Variants in ROBO2 observed in about 807,000 individuals in gnomAD.
ROBO2 encodes roundabout homolog 2.
Under a neutral mutation model 160.8 loss-of-function variants are expected in ROBO2, and 53 were observed. That is an observed-to-expected ratio of 0.33 (90% confidence interval 0.26 to 0.41). The LOEUF (loss-of-function observed/expected upper bound fraction) is 0.41. Among genes scored for constraint, ROBO2 ranks in the 10% least tolerant of loss-of-function variants. The pLI is 1.00. For synonymous variants in ROBO2, 664 were observed against 611.7 expected (o/e 1.09, Z -1.26); for missense variants, 1,577 against 1,722.4 (o/e 0.92, Z 1.49).
intron 2 of ROBO2, among the ~76,000 whole-genome samples, chr3:76,479,164 A>G (rs2079084830): frequency 1.3e-5 from 2 of 152,184 alleles, no homozygotes; most frequent in South Asian, 4.1e-4. Flanking sequence ...CATTTCCCTT[A>G]GAAATACCAC....
chr3:77,645,441 A>G (rs2095403468), intron 25 of ROBO2, among the ~76,000 whole-genome samples: 2 of 152,184 alleles, frequency 1.3e-5, no homozygotes, highest in South Asian at 4.1e-4. Context: ...AGTTAGTACA[A>G]TTAATTTTCT....
intron 2 of ROBO2, among the ~76,000 whole-genome samples, chr3:76,073,220 CACTT>C (rs901672846): frequency 1.2e-4 from 17 of 137,522 alleles, no homozygotes; most frequent in African/African-American, 4.0e-4. Context: ...TTTCTTTAAA[CACTT>C]AATTAAGCCT....
At chr3:77,520,477 A>AT (rs2090481092) in intron 5 of ROBO2, among the ~76,000 whole-genome samples, 1 of 151,274 alleles carries the variant, frequency 6.6e-6, no homozygotes, top group South Asian at 2.1e-4. Flanking sequence ...GTAACATACA[A>AT]TTTTTTTCTC....
At chr3:77,163,764 T>C (rs2078699523) in intron 2 of ROBO2, among the ~76,000 whole-genome samples, 1 of 152,238 alleles carries the variant, frequency 6.6e-6, no homozygotes. Flanking sequence ...AAAAGTGCAC[T>C]GAATACTCAT....
At chr3:76,378,600 T>G (rs2076465165) in intron 2 of ROBO2, among the ~76,000 whole-genome samples, 1 of 152,128 alleles carries the variant, frequency 6.6e-6, no homozygotes, top group African/African-American at 2.4e-5. Flanking sequence ...CACAAACAAT[T>G]ACAGTGCAGA....
chr3:76,751,191 A>G (rs1384445357), intron 2 of ROBO2, among the ~76,000 whole-genome samples: 6 of 152,096 alleles, frequency 3.9e-5, no homozygotes, highest in East Asian at 3.9e-4. Context: ...AACAAGAAAT[A>G]GGGAAAGGAT....
At chr3:75,976,214 A>G (rs1386530909) in intron 2 of ROBO2, among the ~76,000 whole-genome samples, 3 of 151,652 alleles carry the variant, frequency 2.0e-5, no homozygotes, top group Non-Finnish European at 4.4e-5. Flanking sequence ...CAGAAACTCA[A>G]TAAAAATGTG....
intron 2 of ROBO2, among the ~76,000 whole-genome samples, chr3:77,428,976 T>G (rs2078497687): frequency 6.6e-6 from 1 of 152,196 alleles, no homozygotes; most frequent in South Asian, 2.1e-4. Context: ...GAATTTTGAT[T>G]TATTTTTTAT....
At chr3:76,559,153 G>A (rs547867183) in intron 2 of ROBO2, among the ~76,000 whole-genome samples, 11 of 152,176 alleles carry the variant, frequency 7.2e-5, no homozygotes, top group Admixed American at 6.6e-4. Context: ...GGCACATAAA[G>A]ATACCACACA....
chr3:76,399,394 A>C (rs2077681854), intron 2 of ROBO2, among the ~76,000 whole-genome samples: 1 of 151,676 alleles, frequency 6.6e-6, no homozygotes, highest in African/African-American at 2.4e-5. Flanking sequence ...AGGACTGCAG[A>C]GTTTAAATGC....
At chr3:77,181,415 C>T (rs1019074762) in intron 2 of ROBO2, among the ~76,000 whole-genome samples, 2 of 152,050 alleles carry the variant, frequency 1.3e-5, no homozygotes, top group Non-Finnish European at 2.9e-5. Context: ...AAAATGAATT[C>T]ACCAGTGACT....
chr3:76,692,421 C>A (rs1421682962), intron 2 of ROBO2, among the ~76,000 whole-genome samples: 1 of 152,148 alleles, frequency 6.6e-6, no homozygotes, highest in African/African-American at 2.4e-5. Flanking sequence ...AAATCGCTGA[C>A]TCCCAAGGCT....
intron 2 of ROBO2, among the ~76,000 whole-genome samples, chr3:76,765,439 T>TG (rs998454794): frequency 1.3e-5 from 2 of 151,586 alleles, no homozygotes; most frequent in African/African-American, 4.8e-5. Context: ...TGTTGAGATG[T>TG]GGGGTTGATG....
chr3:76,421,799 C>G (rs1483784902), intron 2 of ROBO2, among the ~76,000 whole-genome samples: 2 of 152,008 alleles, frequency 1.3e-5, no homozygotes, highest in African/African-American at 4.8e-5. Flanking sequence ...GGGATTGGGA[C>G]AGGCACTAAT....
At chr3:77,055,605 G>GGAA (rs1351920881) in intron 1 of ROBO2, among the ~76,000 whole-genome samples, 1 of 152,026 alleles carries the variant, frequency 6.6e-6, no homozygotes, top group African/African-American at 2.4e-5. Context: ...ATATACATTT[G>GGAA]GAAGACTCAT....
intron 2 of ROBO2, among the ~76,000 whole-genome samples, chr3:76,850,424 C>T (rs995127387): frequency 6.6e-6 from 1 of 152,132 alleles, no homozygotes; most frequent in African/African-American, 2.4e-5. Context: ...CCTCTGCTGA[C>T]TTTCTTCTTC....
intron 24 of ROBO2, among the ~76,000 whole-genome samples, chr3:77,644,011 G>A (rs1292371910): frequency 6.6e-6 from 1 of 152,080 alleles, no homozygotes; most frequent in Non-Finnish European, 1.5e-5. Context: ...AGGGGATGGG[G>A]TGTGGAGAGG....
intron 2 of ROBO2, among the ~76,000 whole-genome samples, chr3:76,747,170 G>A (rs376161619): frequency 1.2e-4 from 19 of 152,082 alleles, no homozygotes; most frequent in South Asian, 1.0e-3. Context: ...AAGTCCTTCC[G>A]TCTTAAAATG....
At chr3:77,380,868 A>T (rs2073361125) in intron 2 of ROBO2, among the ~76,000 whole-genome samples, 1 of 152,082 alleles carries the variant, frequency 6.6e-6, no homozygotes, top group Non-Finnish European at 1.5e-5. Flanking sequence ...CTTTTGATGC[A>T]CTTCCTGCAG....
Sources: allele counts gnomAD v4.1 joint callset (sites outside exome capture counted in the v4.1 genomes callset), GRCh38; gene constraint gnomAD v4.1.1; transcripts MANE v1.5; gene names NCBI Gene and HGNC (gene_info 2026-07-23, HGNC 2026-07-21).